FNDC3B: variants seen among roughly 807,000 people sequenced by gnomAD.
The protein encoded by FNDC3B is fibronectin type III domain-containing protein 3B.
Under a neutral mutation model 151.5 loss-of-function variants are expected in FNDC3B, and 12 were observed. The ratio of observed to expected loss-of-function variants is 0.08; its 90% CI spans 0.05 to 0.13. FNDC3B has a LOEUF of 0.13. FNDC3B is among the 10% of genes least tolerant of loss of function. The pLI, the probability that FNDC3B is intolerant of heterozygous loss-of-function variation, is 1.00. For missense variants in FNDC3B, 1,214 were observed against 1,505.3 expected, an observed-to-expected ratio of 0.81 and a Z score of 3.20; for synonymous variants, 528 against 549.0, an observed-to-expected ratio of 0.96 and a Z score of 0.54.
intron 21 of FNDC3B, among the ~76,000 whole-genome samples, chr3:172,351,967 G>A (rs1014516281): frequency 6.6e-6 from 1 of 152,202 alleles, no homozygotes; most frequent in African/African-American, 2.4e-5. Context: ...CAAAGCAGGG[G>A]ACTGGGCCAC....
At chr3:172,346,681 TA>T (rs924940469) in intron 20 of FNDC3B, among the ~76,000 whole-genome samples, 184 of 152,254 alleles carry the variant, frequency 1.2e-3, no homozygotes, top group African/African-American at 4.2e-3. Context: ...TTTCTTTTTG[TA>T]AAAAATTTTA....
chr3:172,125,346 G>A (rs756181908), intron 2 of FNDC3B, among the ~76,000 whole-genome samples: 2 of 151,356 alleles, frequency 1.3e-5, no homozygotes, highest in Non-Finnish European at 2.9e-5. Context: ...TCACAGCAGC[G>A]GCTCCCTTTT....
At position 172,291,325 on chromosome 3, in the gene FNDC3B, G is replaced by A. The variant is rs192101654; in HGVS notation, c.850-4038G>A. Among the ~76,000 whole-genome samples, 7 of 152,302 alleles carry A rather than the reference G, an allele frequency of 4.6e-5. No individual in the cohort carries two copies. In the East Asian group the frequency reaches 1.2e-3, roughly 25 times the overall value. On this transcript the variant is annotated intron_variant, in intron 7 of 25. Coordinates refer to ENST00000415807, the MANE Select transcript of FNDC3B (RefSeq NM_022763.4). Reference sequence around the variant, plus strand: ...TTACAAGTAGGAAGTAATTTTATGAGTCCTTCAAGGTGCTCAAAAGCAGTT... The same window carrying A: ...TTACAAGTAGGAAGTAATTTTATGAATCCTTCAAGGTGCTCAAAAGCAGTT...
intron 1 of FNDC3B, among the ~76,000 whole-genome samples, chr3:172,094,274 C>T (rs1346727799): frequency 1.3e-5 from 2 of 152,198 alleles, no homozygotes; most frequent in Non-Finnish European, 2.9e-5. Context: ...CATTTTTGTC[C>T]CTTCTAAAAG....
rs1394093014 is a variant in FNDC3B, at chr3:172,092,931, G to A, written c.-28-19521G>A. On this transcript the variant is annotated intron_variant, in intron 1 of 25. Coordinates refer to ENST00000415807, the MANE Select transcript of FNDC3B (RefSeq NM_022763.4). Reference sequence around the variant, plus strand: ...AGTGATTCTCCCACCTCAGTCTCCTGAGTAGCTGAGATTGTGAGCTGAGAC... The same window carrying A: ...AGTGATTCTCCCACCTCAGTCTCCTAAGTAGCTGAGATTGTGAGCTGAGAC... Among the ~76,000 whole-genome samples, 3 of 152,090 alleles carry A rather than the reference G, an allele frequency of 2.0e-5. No homozygotes were observed. In the East Asian group the frequency reaches 5.8e-4, roughly 30 times the overall value.
intron 2 of FNDC3B, among the ~76,000 whole-genome samples, chr3:172,118,767 A>G (rs924200322): frequency 1.3e-5 from 2 of 152,158 alleles, no homozygotes; most frequent in Non-Finnish European, 2.9e-5. Flanking sequence ...CTTAAATGAA[A>G]TTATTATTGC....
At chr3:172,098,045 A>G (rs1051514223) in intron 1 of FNDC3B, among the ~76,000 whole-genome samples, 1 of 152,222 alleles carries the variant, frequency 6.6e-6, no homozygotes, top group South Asian at 2.1e-4. Context: ...AAATGAGAAA[A>G]ATAAGCCAGA....
chr3:172,163,499 C>T (rs1722876711), intron 3 of FNDC3B, among the ~76,000 whole-genome samples: 2 of 152,126 alleles, frequency 1.3e-5, no homozygotes, highest in Non-Finnish European at 2.9e-5. Flanking sequence ...TGTACAAACA[C>T]ACACACATGC....
chr3:172,182,828 AATGGAG>A (rs1343501219), intron 3 of FNDC3B, among the ~76,000 whole-genome samples: 1 of 152,234 alleles, frequency 6.6e-6, no homozygotes, highest in Admixed American at 6.5e-5. Context: ...GTGAATGAGA[AATGGAG>A]ATGAAGTGTT....
chr3:172,090,009 T>A (rs970268804), intron 1 of FNDC3B, among the ~76,000 whole-genome samples: 2 of 152,236 alleles, frequency 1.3e-5, no homozygotes, highest in African/African-American at 4.8e-5. Flanking sequence ...AGTTGAACAG[T>A]TGTGTTTAAT....
chr3:172,336,328 G>T (rs538086991), intron 15 of FNDC3B, among the ~76,000 whole-genome samples: 9 of 152,138 alleles, frequency 5.9e-5, no homozygotes, highest in Non-Finnish European at 1.3e-4. Flanking sequence ...TTTCTGCTCA[G>T]AAAATAAAAT....
chr3:172,334,318 T>C (rs1229434912), intron 14 of FNDC3B, among the ~76,000 whole-genome samples: 8 of 123,448 alleles, frequency 6.5e-5, no homozygotes, highest in Admixed American at 1.6e-4. Flanking sequence ...TATTTTTATG[T>C]CCCCCCCCCC....
At chr3:172,147,052 A>G (rs1721948674) in intron 3 of FNDC3B, among the ~76,000 whole-genome samples, 1 of 152,190 alleles carries the variant, frequency 6.6e-6, no homozygotes, top group African/African-American at 2.4e-5. Context: ...TCACGCCTGT[A>G]ATCAGCACCG....
chr3:172,199,562 A>G (rs4303896), intron 3 of FNDC3B, among the ~76,000 whole-genome samples: 134,174 of 152,276 alleles, frequency 0.88, 59,374 homozygotes, highest in Middle Eastern at 0.94. Flanking sequence ...AATGTCATCA[A>G]TAGGTTCTTG....
chr3:172,254,019 A>G (rs559104453), intron 6 of FNDC3B, among the ~76,000 whole-genome samples: 1 of 152,330 alleles, frequency 6.6e-6, no homozygotes, highest in African/African-American at 2.4e-5. Flanking sequence ...ACCTCAGGTG[A>G]TCTGCCCACC....
chr3:172,226,083 G>A (rs867091511), intron 3 of FNDC3B, among the ~76,000 whole-genome samples: 3 of 152,056 alleles, frequency 2.0e-5, no homozygotes, highest in African/African-American at 2.4e-5. Flanking sequence ...CAAGGCAGGC[G>A]GGTCTTGAGG....
At chr3:172,108,420 G>A (rs1192182081) in intron 1 of FNDC3B, among the ~76,000 whole-genome samples, 1 of 152,216 alleles carries the variant, frequency 6.6e-6, no homozygotes, top group Non-Finnish European at 1.5e-5. Context: ...ATGGATGAAA[G>A]CCTTCCACAT....
chr3:172,307,488 C>A lies in FNDC3B; in HGVS notation c.1187C>A (p.Thr396Asn), dbSNP rs753289044. ...KLAHRSKSSLTLQWKAPIDNG... is the reference protein window; with the variant it reads ...KLAHRSKSSLNLQWKAPIDNG... ...GCACATAGGAGCAAAAGTTCACTAACCCTGCAGTGGAAGGTGGGTAGCTCA... is the reference window on the plus strand; with the variant it reads ...GCACATAGGAGCAAAAGTTCACTAAACCTGCAGTGGAAGGTGGGTAGCTCA... The change falls in exon 10 of 26, where the codon ACC (threonine) becomes AAC (asparagine). Residue 396 changes from threonine to asparagine, a missense_variant. By Grantham distance (65) the Thr-to-Asn change is moderately conservative. This residue lies in a region of FNDC3B where 156 missense variants were observed against 225.3 expected (regional missense o/e 0.69). Coordinates refer to ENST00000415807, the MANE Select transcript of FNDC3B (RefSeq NM_022763.4). 6.2e-7 allele frequency: 1 copy of A among 1,614,106 alleles called. No individual in the cohort carries two copies. Among genetic ancestry groups the A allele is most frequent in the South Asian group, 1.1e-5 (1 of 91,080 alleles).
intron 9 of FNDC3B, among the ~76,000 whole-genome samples, chr3:172,300,122 G>A (rs191032528): frequency 2.0e-5 from 3 of 152,248 alleles, no homozygotes; most frequent in Non-Finnish European, 2.9e-5. Context: ...CCGCCCAAAC[G>A]TATTGAGCTT....
Sources: allele counts gnomAD v4.1 joint callset (sites outside exome capture counted in the v4.1 genomes callset), GRCh38; gene constraint gnomAD v4.1.1; regional missense constraint gnomAD v4.1.1; transcripts MANE v1.5; gene names NCBI Gene and HGNC (gene_info 2026-07-23, HGNC 2026-07-21).